ADA: variants seen among roughly 807,000 people sequenced by gnomAD.
ADA encodes the protein adenosine deaminase, also known as adenosine aminohydrolase.
ADA carries 45 observed loss-of-function variants against 49.0 expected under a neutral mutation model. The observed-to-expected ratio is 0.92, with a 90% confidence interval of 0.72 to 1.18. The LOEUF (loss-of-function observed/expected upper bound fraction) is 1.18, where lower values mean the gene tolerates loss of function less well. Among genes scored for constraint, ADA ranks in the 50% most tolerant of loss-of-function variants. The pLI, the probability that ADA is intolerant of heterozygous loss-of-function variation, is 0.00. For missense variants in ADA, 445 were observed against 472.5 expected (o/e 0.94, Z 0.54); for synonymous variants, 173 against 184.2 (o/e 0.94, Z 0.49).
At chr20:44,647,108 T>A (rs2065599130) in intron 1 of ADA, among the ~76,000 whole-genome samples, 1 of 151,964 alleles carries the variant, frequency 6.6e-6, no homozygotes, top group South Asian at 2.1e-4. Context: ...TAGCCCCAAT[T>A]CCCCTCTGCA....
In ADA at chr20:44,619,607, T is replaced by C. The variant is rs1316901401; in HGVS notation, c.*227A>G. The C allele has an allele frequency of 7.1e-6, 4 of 560,448 alleles. No homozygotes were observed. Among genetic ancestry groups the C allele is most frequent in the Non-Finnish European group, 1.3e-5 (4 of 311,808 alleles). The allele number at this position is 560,448 out of a possible 1,614,324, so 34.7% of individuals were successfully genotyped here. ...AGAAGGAGGGTTTCAGATTCAACCATGCCCATGTGCAAGGGCGCTGGTCCC... is the reference window on the plus strand; with the variant it reads ...AGAAGGAGGGTTTCAGATTCAACCACGCCCATGTGCAAGGGCGCTGGTCCC... On this transcript the variant is annotated 3_prime_UTR_variant, in exon 12 of 12. Transcript: ENST00000372874.
intron 2 of ADA, among the ~76,000 whole-genome samples, chr20:44,629,702 G>A (rs907760170): frequency 5.3e-5 from 8 of 152,178 alleles, no homozygotes; most frequent in Non-Finnish European, 8.8e-5. Context: ...GGAGAGGGCC[G>A]GTGGAGGCTC....
At chr20:44,637,574 G>C (rs944373904) in intron 1 of ADA, among the ~76,000 whole-genome samples, 1 of 152,174 alleles carries the variant, frequency 6.6e-6, no homozygotes, top group Non-Finnish European at 1.5e-5. Flanking sequence ...TGCTGGGGTG[G>C]GGAGCATGGA....
chr20:44,626,977 T>C (rs972825963), intron 3 of ADA, among the ~76,000 whole-genome samples: 22 of 152,086 alleles, frequency 1.4e-4, no homozygotes, highest in Middle Eastern at 3.4e-3. Flanking sequence ...ACATCGCAAC[T>C]CCCAGGTCCT....
At chr20:44,630,065 G>C (rs2065419925) in intron 2 of ADA, among the ~76,000 whole-genome samples, 1 of 151,828 alleles carries the variant, frequency 6.6e-6, no homozygotes, top group African/African-American at 2.4e-5. Flanking sequence ...TTCTAGGCTG[G>C]GCATGGTGGC....
At chr20:44,626,665 T>C in intron 3 of ADA, 66 bp from the exon 4 acceptor site, 1 of 1,598,990 alleles carries the variant, frequency 6.3e-7, no homozygotes, top group Non-Finnish European at 8.5e-7. Flanking sequence ...CAGGAGCAAA[T>C]GACATCCCCA....
chr20:44,625,018 G>A (rs547040005), intron 5 of ADA, among the ~76,000 whole-genome samples: 2 of 152,352 alleles, frequency 1.3e-5, no homozygotes, highest in South Asian at 2.1e-4. Flanking sequence ...CTAATCCTGA[G>A]GGTAGAGGAA....
intron 1 of ADA, among the ~76,000 whole-genome samples, chr20:44,642,914 G>A (rs6031688): frequency 0.16 from 23,913 of 152,076 alleles, 2,495 homozygotes; most frequent in African/African-American, 0.3. Context: ...TGGGAAGGGG[G>A]AAAGCAGAGC....
intron 2 of ADA, among the ~76,000 whole-genome samples, chr20:44,635,733 G>A (rs1375954315): frequency 2.0e-5 from 3 of 151,996 alleles, no homozygotes; most frequent in African/African-American, 2.4e-5. Flanking sequence ...CCCCATCTCC[G>A]CTAAAAATAC....
chr20:44,629,078 C>T lies in ADA; in HGVS notation c.187G>A (p.Ala63Thr). 2 of 1,614,184 alleles carry T rather than the reference C, an allele frequency of 1.2e-6. No individual in the cohort carries two copies. The highest frequency in any genetic ancestry group is 1.7e-6 in the Non-Finnish European group (2 of 1,180,042). Residue 63 changes from alanine (A) to threonine (T), a missense_variant, in exon 3 of 12, where the codon GCC (alanine) becomes ACC (threonine). By Grantham distance (58) the Ala-to-Thr change is moderately conservative. Transcript: ENST00000372874. Reference sequence around the variant, plus strand: ...GCAGGCATGTAGTAGTCAAACTTGGCCAGGAAGTCTGGAAGGGTGAGCGGC... The same window carrying T: ...GCAGGCATGTAGTAGTCAAACTTGGTCAGGAAGTCTGGAAGGGTGAGCGGC... Reference protein sequence around the residue: ...DKPLTLPDFLAKFDYYMPAIA... With the variant: ...DKPLTLPDFLTKFDYYMPAIA...
chr20:44,638,155 T>C (rs2065497551), intron 1 of ADA, among the ~76,000 whole-genome samples: 1 of 152,234 alleles, frequency 6.6e-6, no homozygotes, highest in Non-Finnish European at 1.5e-5. Context: ...TCACTTCCTG[T>C]GCCTCGGCAT....
chr20:44,634,707 T>G (rs1178960327), intron 2 of ADA, among the ~76,000 whole-genome samples: 1 of 152,230 alleles, frequency 6.6e-6, no homozygotes, highest in African/African-American at 2.4e-5. Flanking sequence ...AGAAGGTCCC[T>G]GGAAGTGCGA....
chr20:44,630,351 A>G lies in ADA; in HGVS notation c.96-1182T>C, dbSNP rs1004906686. The stretch of plus-strand genomic sequence containing the variant: ...AGAGCAAGACTCTGTATCACAAAAA[A>G]AAAAAGAAAAAAAAAAGAAATGCTT... On this transcript the variant is annotated intron_variant, in intron 2 of 11. Coordinates refer to ENST00000372874, the MANE Select transcript of ADA (RefSeq NM_000022.4). Among the ~76,000 whole-genome samples the G allele has an allele frequency of 6.6e-5, 10 of 152,198 alleles. No homozygotes were observed. In the South Asian group the frequency reaches 1.2e-3, roughly 19 times the overall value.
chr20:44,622,640 A>G lies in ADA; in HGVS notation c.793T>C (p.Ser265Pro), dbSNP rs781040248. The change falls in exon 9 of 12, where the codon TCC (serine) becomes CCC (proline). Residue 265 changes from serine (S) to proline (P), a missense_variant. Physicochemically the swap from Ser to Pro is moderately conservative, Grantham distance 74. Coordinates refer to ENST00000372874, the MANE Select transcript of ADA (RefSeq NM_000022.4). ...ENMHFEICPW[S>P]SYLTGAWKPD... The stretch of plus-strand genomic sequence containing the variant: ...TTCCAGGCACCAGTGAGGTAGCTGG[A>G]CCAGGGGCAGATCTGGAAGAGCAGG... 1.2e-6 allele frequency: 2 copies of G among 1,614,214 alleles called. No individual in the cohort carries two copies. The highest frequency in any genetic ancestry group is 8.5e-7 in the Non-Finnish European group (1 of 1,180,032).
Position 44,629,110 on chromosome 20 carries a change from A to G in ADA, c.155T>C (p.Met52Thr). Residue 52 changes from methionine (M) to threonine (T), a missense_variant, in exon 3 of 12, where the codon ATG (methionine) becomes ACG (threonine). Physicochemically the swap from Met to Thr is moderately conservative, Grantham distance 81. Transcript: ENST00000372874. Reference protein sequence around the residue: ...TAEGLLNVIGMDKPLTLPDFL... With the variant: ...TAEGLLNVIGTDKPLTLPDFL... ...GTCTGGAAGGGTGAGCGGCTTGTCC[A>G]TGCCAATGACGTTCAGCAGCCCCTC... The G allele has an allele frequency of 6.2e-7, 1 of 1,614,216 alleles. No individual in the cohort carries two copies. Among genetic ancestry groups the G allele is most frequent in the South Asian group, 1.1e-5 (1 of 91,090 alleles).
At chr20:44,624,441 G>C (rs370957856) in intron 5 of ADA, 112 bp from the exon 6 acceptor site, 4 of 1,443,788 alleles carry the variant, frequency 2.8e-6, no homozygotes, top group East Asian at 2.3e-5. Flanking sequence ...CACAAAACAG[G>C]GCTCAGTGTC....
intron 3 of ADA, among the ~76,000 whole-genome samples, chr20:44,626,986 C>T (rs1229978391): frequency 6.6e-6 from 1 of 152,126 alleles, no homozygotes; most frequent in Non-Finnish European, 1.5e-5. Flanking sequence ...CTCCCAGGTC[C>T]TGCCCACAAG....
chr20:44,620,267 G>A lies in ADA; in HGVS notation c.1078+32C>T, dbSNP rs762989126. ...AAAGCCACACTGGGGCCAGGACAGGGCAACTGCCCAGAAGCCCAGACAGGA... is the reference window on the plus strand; with the variant it reads ...AAAGCCACACTGGGGCCAGGACAGGACAACTGCCCAGAAGCCCAGACAGGA... On this transcript the variant is annotated intron_variant, in intron 11 of 11. Coordinates refer to ENST00000372874, the MANE Select transcript of ADA (RefSeq NM_000022.4). 3.8e-6 allele frequency: 6 copies of A among 1,584,126 alleles called. No homozygotes were observed. In the South Asian group the frequency reaches 5.5e-5, roughly 15 times the overall value.
chr20:44,620,498 G>T, intron 10 of ADA, 97 bp from the exon 11 acceptor site: 2 of 1,024,066 alleles, frequency 2.0e-6, no homozygotes, highest in Non-Finnish European at 3.1e-6. Flanking sequence ...CTCAACATGG[G>T]CAGATACGCT....
Sources: gnomAD v4.1 joint callset for allele counts (sites outside exome capture counted in the v4.1 genomes callset) on GRCh38, gnomAD v4.1.1 for gene constraint, MANE v1.5 for transcripts, NCBI Gene and HGNC (gene_info 2026-07-23, HGNC 2026-07-21) for gene names.